ADGRL1: variants seen among roughly 807,000 people sequenced by gnomAD.
ADGRL1 encodes CIRL-1.
ADGRL1 carries 31 observed loss-of-function variants against 148.9 expected under a neutral mutation model. That is an observed-to-expected ratio of 0.21 (90% confidence interval 0.16 to 0.28). The LOEUF is 0.28. Ranked by LOEUF, ADGRL1 falls within the 10% of genes least tolerant of loss-of-function variation. The probability of loss-of-function intolerance (pLI) is 1.00; values close to 1 mark genes in which losing one functional copy is unlikely to be tolerated. For synonymous variants in ADGRL1, 937 were observed against 900.3 expected, an observed-to-expected ratio of 1.04 and a Z score of -0.73; for missense variants, 1,521 against 2,058.8, an observed-to-expected ratio of 0.74 and a Z score of 5.05.
chr19:14,174,335 G>A (rs988674243), intron 3 of ADGRL1, among the ~76,000 whole-genome samples: 10 of 152,126 alleles, frequency 6.6e-5, no homozygotes, highest in Non-Finnish European at 8.8e-5. Context: ...GGGTGTCAGG[G>A]GACAGGAAGC....
rs1968106388 is a variant in ADGRL1 at position 14,151,007 on chromosome 19, G to A, written c.4276C>T (p.Leu1426=). 7 of 1,577,784 alleles carry A rather than the reference G, an allele frequency of 4.4e-6. No homozygotes were observed. The highest frequency in any genetic ancestry group is 4.0e-5 in the African/African-American group (3 of 74,186). Residue 1426 remains leucine (L), a synonymous_variant, in exon 23 of 23, where the codon CTG becomes TTG. Transcript: ENST00000361434. The part of the protein sequence containing the change: ...EIYYTSRPPA[L]VARNPLQGYY... ...CCCTGCAGGGGATTCCGGGCCACCA[G>A]GGCTGGCGGGCGCGAGGTGTAGTAG...
chr19:14,154,782 T>G lies in ADGRL1; in HGVS notation c.3294+577A>C, dbSNP rs371865781. ...GGCGCCCACCACCACACCAGGCTAA[T>G]TTTTATATTTTTTAAGTAGAGACGG... is the stretch of plus-strand genomic sequence containing the variant. On this transcript the variant is annotated intron_variant, in intron 18 of 22. Transcript: ENST00000361434. Among the ~76,000 whole-genome samples, 3 of 151,658 alleles carry G rather than the reference T, an allele frequency of 2.0e-5. No individual in the cohort carries two copies. In the East Asian group the frequency reaches 5.8e-4, roughly 29 times the overall value.
rs1326158291 is a variant in ADGRL1, at chr19:14,152,769, T to C, written c.3423+15A>G. The stretch of plus-strand genomic sequence containing the variant: ...TCCAACACTCAGCCCCAGGGAGTCC[T>C]GTCTGGCCCGATACCTGGGTCCCTG... On this transcript the variant is annotated intron_variant, in intron 19 of 22. Coordinates refer to ENST00000361434, the MANE Select transcript of ADGRL1 (RefSeq NM_014921.5). This position sits in a 1 kb window ranked among gnomAD's most constrained non-coding sequence, Gnocchi z 6.1. 5 of 1,613,608 alleles carry C rather than the reference T, an allele frequency of 3.1e-6. No individual in the cohort carries two copies. The East Asian group carries it at 8.9e-5, about 29-fold the overall frequency.
chr19:14,173,754 C>T (rs1970632550), intron 3 of ADGRL1, among the ~76,000 whole-genome samples: 1 of 151,928 alleles, frequency 6.6e-6, no homozygotes, highest in African/African-American at 2.4e-5. Context: ...TGAGACCAGC[C>T]TGGCCAACAT....
intron 1 of ADGRL1, among the ~76,000 whole-genome samples, chr19:14,205,114 G>A (rs1157477441): frequency 6.6e-6 from 1 of 152,020 alleles, no homozygotes; most frequent in Non-Finnish European, 1.5e-5. Context: ...ATACCTGGGA[G>A]GGCATTTTCT....
chr19:14,152,074 G>T lies in ADGRL1; in HGVS notation c.3667+59C>A. 5.3e-6 allele frequency: 8 copies of T among 1,521,772 alleles called. No individual in the cohort carries two copies. The South Asian group carries it at 9.0e-5, about 17-fold the overall frequency. 94.3% of individuals were successfully genotyped at this position (1,521,772 alleles called of 1,614,324 possible). On this transcript the variant is annotated intron_variant, in intron 22 of 22. Transcript: ENST00000361434. The surrounding 1 kb of genome is among the most constrained non-coding windows in gnomAD (Gnocchi z 6.1). The stretch of plus-strand genomic sequence containing the variant: ...CTCCTTAAGTGAGGCCGTCTGAGAA[G>T]GCCACTGTCTGTCCCTCTCCCAGCC...
chr19:14,197,127 C>G (rs1194641512), intron 1 of ADGRL1, among the ~76,000 whole-genome samples: 1 of 151,952 alleles, frequency 6.6e-6, no homozygotes, highest in Non-Finnish European at 1.5e-5. Flanking sequence ...TAAAAATTAG[C>G]CAGGCATGGT....
At chr19:14,166,002 G>T (rs1183265137) in intron 4 of ADGRL1, among the ~76,000 whole-genome samples, 2 of 151,990 alleles carry the variant, frequency 1.3e-5, no homozygotes. Context: ...CAGCACCTCC[G>T]CTCCCCCCAA....
chr19:14,194,325 T>TGAGGA (rs545468934), intron 1 of ADGRL1, among the ~76,000 whole-genome samples: 62 of 150,962 alleles, frequency 4.1e-4, no homozygotes, highest in African/African-American at 1.5e-3. Context: ...ACAAAGAGAG[T>TGAGGA]GAGGAGGGAG....
chr19:14,204,669 G>A (rs912463845), intron 1 of ADGRL1, among the ~76,000 whole-genome samples: 2 of 150,866 alleles, frequency 1.3e-5, no homozygotes, highest in Non-Finnish European at 2.9e-5. Context: ...AAGCAGAGAG[G>A]GGAAGAGAGA....
At chr19:14,153,411 ATT>A (rs36035971) in intron 18 of ADGRL1, among the ~76,000 whole-genome samples, 41 of 112,282 alleles carry the variant, frequency 3.7e-4, no homozygotes, top group Admixed American at 1.5e-3. Context: ...GCAGGTTGTG[ATT>A]TTTTTTTTTT....
chr19:14,189,212 G>A (rs1336293529), intron 1 of ADGRL1, among the ~76,000 whole-genome samples: 1 of 147,742 alleles, frequency 6.8e-6, no homozygotes, highest in East Asian at 2.0e-4. Flanking sequence ...AGGCTATGTG[G>A]CCTTTTTTTT....
Position 14,159,199 on chromosome 19 carries a change from G to T in ADGRL1, c.2040C>A (p.Val680=). ...CCTGCACCTGGCCCTCTGTGTTCAG[G>T]ACTGTGACCTCCAGGACTGTGGGGA... ...AKENVVLEVT[V]LNTEGQVQEL... is the part of the protein sequence containing the mutation. Residue 680 remains valine, a synonymous_variant, in exon 11 of 23, where the codon GTC becomes GTA. Coordinates refer to ENST00000361434, the MANE Select transcript of ADGRL1 (RefSeq NM_014921.5). The surrounding 1 kb of genome is among the most constrained non-coding windows in gnomAD (Gnocchi z 6.0). 1 of 1,614,076 alleles carries T rather than the reference G, an allele frequency of 6.2e-7. No homozygotes were observed. The highest frequency in any genetic ancestry group is 8.5e-7 in the Non-Finnish European group (1 of 1,179,970).
rs1160253336 is a variant in ADGRL1, at chr19:14,159,902, C to T, written c.1801-129G>A. On this transcript the variant is annotated intron_variant, in intron 8 of 22. Coordinates refer to ENST00000361434, the MANE Select transcript of ADGRL1 (RefSeq NM_014921.5). This position sits in a 1 kb window ranked among gnomAD's most constrained non-coding sequence, Gnocchi z 6.0. ...ACCCAGGGCTGGGCTATCAGCAAGA[C>T]ATTCCTCAGGGATCCCCAACCCCCA... is the stretch of plus-strand genomic sequence containing the variant. The T allele has an allele frequency of 2.9e-6, 3 of 1,022,144 alleles. No individual in the cohort carries two copies. The highest frequency in any genetic ancestry group is 3.6e-5 in the Admixed American group (2 of 55,832). 63.3% of individuals were successfully genotyped at this position (1,022,144 alleles called of 1,614,324 possible). A position where few individuals can be genotyped will look rare whatever the true frequency, so the allele number is the denominator to read the frequency against.
At position 14,152,274 on chromosome 19, in the gene ADGRL1, T is replaced by C. The variant is rs1368643897; in HGVS notation, c.3649+35A>G. On this transcript the variant is annotated intron_variant, in intron 21 of 22. Transcript: ENST00000361434. This position sits in a 1 kb window ranked among gnomAD's most constrained non-coding sequence, Gnocchi z 6.1. ...GGTCCCTTGGGACACAAACCCTCCA[T>C]TTCCCAACCTGGGATGTTTCCCCCG... is the stretch of plus-strand genomic sequence containing the variant. 6.2e-7 allele frequency: 1 copy of C among 1,608,314 alleles called. No individual in the cohort carries two copies. The highest frequency in any genetic ancestry group is 8.5e-7 in the Non-Finnish European group (1 of 1,175,954).
Position 14,159,179 on chromosome 19 carries a change from A to G in ADGRL1, c.2060T>C (p.Val687Ala). Reference protein sequence around the residue: ...EVTVLNTEGQVQELVFPQEEY... With the variant: ...EVTVLNTEGQAQELVFPQEEY... ...CTCCTGGGGGAACACCAGCTCCTGC[A>G]CCTGGCCCTCTGTGTTCAGGACTGT... Residue 687 changes from valine (V) to alanine (A), a missense_variant, in exon 11 of 23, where the codon GTG (valine) becomes GCG (alanine). This residue lies in a region of ADGRL1 where 265 missense variants were observed against 431.9 expected (regional missense o/e 0.61). Transcript: ENST00000361434. This position sits in a 1 kb window ranked among gnomAD's most constrained non-coding sequence, Gnocchi z 6.0. 2 of 1,614,028 alleles carry G rather than the reference A, an allele frequency of 1.2e-6. No individual in the cohort carries two copies. Among genetic ancestry groups the G allele is most frequent in the Non-Finnish European group, 1.7e-6 (2 of 1,179,978 alleles).
At position 14,151,632 on chromosome 19, in the gene ADGRL1, G is replaced by C. The variant is rs1366447273; in HGVS notation, c.3668-17C>G. Reference sequence around the variant, plus strand: ...AGGGGTGCTCTGCAGGGCAGAAAGGGGCTGGTCAGGTTGAAGAGGGGCCCT... The same window carrying C: ...AGGGGTGCTCTGCAGGGCAGAAAGGCGCTGGTCAGGTTGAAGAGGGGCCCT... On this transcript the variant is annotated splice_polypyrimidine_tract_variant and intron_variant, in intron 22 of 22. Transcript: ENST00000361434. 8 of 1,573,134 alleles carry C rather than the reference G, an allele frequency of 5.1e-6. No homozygotes were observed. Among genetic ancestry groups the C allele is most frequent in the African/African-American group, 1.4e-5 (1 of 73,908 alleles).
At chr19:14,164,174 G>A (rs1258768617) in intron 4 of ADGRL1, among the ~76,000 whole-genome samples, 2 of 152,034 alleles carry the variant, frequency 1.3e-5, no homozygotes, top group Admixed American at 6.5e-5. Flanking sequence ...GACGGGGAAT[G>A]AAAGAGTCTG....
intron 1 of ADGRL1, among the ~76,000 whole-genome samples, chr19:14,192,192 G>A (rs1971988182): frequency 6.6e-6 from 1 of 151,942 alleles, no homozygotes; most frequent in South Asian, 2.1e-4. Context: ...TCCCATCCCT[G>A]CTCCATACTT....
Sources: allele counts gnomAD v4.1 joint callset (sites outside exome capture counted in the v4.1 genomes callset), GRCh38; gene constraint gnomAD v4.1.1; regional missense constraint gnomAD v4.1.1; non-coding constraint Gnocchi (gnomAD v3.1); transcripts MANE v1.5; gene names NCBI Gene and HGNC (gene_info 2026-07-23, HGNC 2026-07-21).